Variants in PCP4 observed in about 807,000 individuals in gnomAD.
The protein encoded by PCP4 is Purkinje cell protein 4.
In PCP4, 8 loss-of-function variants were observed where a neutral mutation model predicts 10.0. The observed-to-expected ratio is 0.80, with a 90% CI of 0.47 to 1.45. The LOEUF (loss-of-function observed/expected upper bound fraction) is 1.45. PCP4 is among the 40% of genes most tolerant of loss of function. PCP4 has a pLI of 0.00. For synonymous variants in PCP4, 21 were observed against 23.0 expected, an observed-to-expected ratio of 0.91 and a Z score of 0.24; for missense variants, 54 against 74.4, an observed-to-expected ratio of 0.73 and a Z score of 1.01.
At chr21:39,903,639 C>A (rs1200134907) in intron 2 of PCP4, among the ~76,000 whole-genome samples, 1 of 152,014 alleles carries the variant, frequency 6.6e-6, no homozygotes, top group Non-Finnish European at 1.5e-5. Context: ...GAGGCCGAGG[C>A]GGGCGGATCA....
intron 1 of PCP4, among the ~76,000 whole-genome samples, chr21:39,874,318 A>G (rs997950541): frequency 6.6e-6 from 1 of 152,156 alleles, no homozygotes; most frequent in African/African-American, 2.4e-5. Context: ...AGTTCAAAAG[A>G]CAACTTTTGA....
intron 1 of PCP4, among the ~76,000 whole-genome samples, chr21:39,897,320 G>A (rs907275094): frequency 1.3e-5 from 2 of 151,020 alleles, no homozygotes; most frequent in African/African-American, 2.4e-5. Context: ...CCTGGGAGGC[G>A]GAGGTTGCAG....
intron 1 of PCP4, among the ~76,000 whole-genome samples, chr21:39,885,021 C>T (rs370552598): frequency 7.2e-5 from 11 of 152,088 alleles, no homozygotes; most frequent in East Asian, 1.9e-4. Context: ...TCTCATAGTG[C>T]GACAGTTTAT....
intron 1 of PCP4, among the ~76,000 whole-genome samples, chr21:39,893,173 T>C (rs1460144456): frequency 6.6e-6 from 1 of 152,168 alleles, no homozygotes; most frequent in Non-Finnish European, 1.5e-5. Flanking sequence ...AATAAAACCA[T>C]AGTGCAACCG....
intron 1 of PCP4, among the ~76,000 whole-genome samples, chr21:39,886,371 C>T (rs373843123): frequency 1.7e-4 from 26 of 152,286 alleles, no homozygotes; most frequent in African/African-American, 6.0e-4. Context: ...TACTAAAATA[C>T]AAATCTACTA....
chr21:39,929,001 C>G lies in PCP4; in HGVS notation c.79C>G (p.Gln27Glu). ...SGENDGQKKV[Q>E]EEFDIDMDAP... ...TGCTACAGATGGACAGAAGAAAGTT[C>G]AAGAAGAATTTGACATTGACATGGA... Residue 27 changes from glutamine to glutamate, a missense_variant, in exon 3 of 3, where the codon CAA becomes GAA. Coordinates refer to ENST00000328619, the MANE Select transcript of PCP4 (RefSeq NM_006198.3). 1.9e-6 allele frequency: 3 copies of G among 1,612,742 alleles called. No homozygotes were observed. The highest frequency in any genetic ancestry group is 2.5e-6 in the Non-Finnish European group (3 of 1,179,428).
At chr21:39,880,298 T>C (rs1209967253) in intron 1 of PCP4, among the ~76,000 whole-genome samples, 1 of 152,060 alleles carries the variant, frequency 6.6e-6, no homozygotes, top group Non-Finnish European at 1.5e-5. Flanking sequence ...AGCTTTCAAG[T>C]TGGTTTGGAG....
intron 2 of PCP4, among the ~76,000 whole-genome samples, chr21:39,911,285 A>G (rs2087538820): frequency 6.6e-6 from 1 of 152,164 alleles, no homozygotes. Flanking sequence ...AAATGGGAAA[A>G]TTTAACATTT....
chr21:39,902,956 A>G (rs1449518190), intron 2 of PCP4, among the ~76,000 whole-genome samples: 2 of 152,238 alleles, frequency 1.3e-5, no homozygotes, highest in Middle Eastern at 6.3e-3. Context: ...TTACAAATAT[A>G]GACACAACCA....
intron 1 of PCP4, among the ~76,000 whole-genome samples, chr21:39,874,604 G>A (rs1046690867): frequency 4.7e-5 from 7 of 148,410 alleles, no homozygotes; most frequent in African/African-American, 1.5e-4. Flanking sequence ...ATATAACAAG[G>A]AAACACAGAA....
rs769109934 is a variant in PCP4 at position 39,929,051 on chromosome 21, G to A, written c.129G>A (p.Ala43=). The change falls in exon 3 of 3, where the codon GCG becomes GCA. Residue 43 remains alanine (A), a synonymous_variant. Coordinates refer to ENST00000328619, the MANE Select transcript of PCP4 (RefSeq NM_006198.3). The part of the protein sequence containing the change: ...DMDAPETERA[A]VAIQSQFRKF... ...ATGCACCAGAGACAGAACGTGCAGC[G>A]GTGGCCATTCAGTCTCAGTTCAGAA... 1.2e-5 allele frequency: 19 copies of A among 1,613,378 alleles called. No individual in the cohort carries two copies. Among genetic ancestry groups the A allele is most frequent in the Middle Eastern group, 1.6e-4 (1 of 6,082 alleles).
intron 2 of PCP4, among the ~76,000 whole-genome samples, chr21:39,921,340 C>T (rs1370370656): frequency 1.3e-5 from 2 of 152,184 alleles, no homozygotes; most frequent in East Asian, 3.9e-4. Context: ...ACCCAGATCC[C>T]AAGTCAGGCT....
At chr21:39,902,142 A>G (rs2087484816) in intron 2 of PCP4, among the ~76,000 whole-genome samples, 1 of 152,214 alleles carries the variant, frequency 6.6e-6, no homozygotes, top group Non-Finnish European at 1.5e-5. Context: ...GAAGCTGTCT[A>G]CATGTCTTGA....
At chr21:39,903,761 G>C (rs981979158) in intron 2 of PCP4, among the ~76,000 whole-genome samples, 3 of 151,354 alleles carry the variant, frequency 2.0e-5, no homozygotes, top group Admixed American at 1.3e-4. Flanking sequence ...CCAGCTACTC[G>C]GGAGGCTGAG....
chr21:39,920,517 T>C (rs1383961794), intron 2 of PCP4, among the ~76,000 whole-genome samples: 1 of 151,982 alleles, frequency 6.6e-6, no homozygotes, highest in Admixed American at 6.6e-5. Context: ...AAAGCTGCTG[T>C]GGTGATTTAT....
chr21:39,884,879 C>A (rs2087392595), intron 1 of PCP4, among the ~76,000 whole-genome samples: 1 of 152,110 alleles, frequency 6.6e-6, no homozygotes, highest in Admixed American at 6.5e-5. Flanking sequence ...TCAGTCCTTT[C>A]TTTCTACCCT....
intron 2 of PCP4, among the ~76,000 whole-genome samples, chr21:39,918,094 G>A (rs1252654406): frequency 6.6e-6 from 1 of 152,172 alleles, no homozygotes; most frequent in East Asian, 1.9e-4. Context: ...AATTTCTGTT[G>A]CTTAAGTGAC....
chr21:39,904,459 G>A (rs767945160), intron 2 of PCP4, among the ~76,000 whole-genome samples: 2 of 152,238 alleles, frequency 1.3e-5, no homozygotes, highest in African/African-American at 2.4e-5. Context: ...AGAAACTGAT[G>A]TTGAGTCCAG....
At chr21:39,927,334 T>TATC (rs1207103200) in intron 2 of PCP4, among the ~76,000 whole-genome samples, 14 of 64,054 alleles carry the variant, frequency 2.2e-4, no homozygotes, top group Middle Eastern at 8.6e-3. Context: ...TCTATCTATC[T>TATC]ATCTGTCTAT....
Sources: gnomAD v4.1 joint callset for allele counts (sites outside exome capture counted in the v4.1 genomes callset) on GRCh38, gnomAD v4.1.1 for gene constraint, MANE v1.5 for transcripts, NCBI Gene and HGNC (gene_info 2026-07-23, HGNC 2026-07-21) for gene names.